ARPC2: variants seen among roughly 807,000 people sequenced by gnomAD.
ARPC2 encodes the protein actin related protein 2/3 complex subunit 2.
Under a neutral mutation model 38.6 loss-of-function variants are expected in ARPC2, and 4 were observed. The observed-to-expected ratio is 0.10, with a 90% CI of 0.05 to 0.24. The LOEUF (loss-of-function observed/expected upper bound fraction) is 0.24. ARPC2 is among the 10% of genes least tolerant of loss of function. ARPC2 has a pLI of 1.00. For missense variants in ARPC2, 229 were observed against 387.3 expected (o/e 0.59, Z 3.43); for synonymous variants, 125 against 140.8 (o/e 0.89, Z 0.79).
intron 2 of ARPC2, among the ~76,000 whole-genome samples, chr2:218,220,319 C>A (rs1198014245): frequency 1.3e-5 from 2 of 152,152 alleles, no homozygotes; most frequent in Non-Finnish European, 2.9e-5. Context: ...CATCTTCCAT[C>A]TCTGTGATGT....
chr2:218,229,014 A>G, intron 4 of ARPC2, 164 bp downstream of exon 4: 2 of 505,554 alleles, frequency 4.0e-6, no homozygotes, highest in Non-Finnish European at 3.5e-6. Flanking sequence ...GTTTCCTAGA[A>G]AAGGTTTTGA....
Position 218,233,615 on chromosome 2 carries a change from G to C in ARPC2, c.223-737G>C, listed in dbSNP as rs1330340129. 5 of 151,384 alleles carry C rather than the reference G, an allele frequency of 3.3e-5. No homozygotes were observed. The East Asian group carries it at 9.7e-4, about 29-fold the overall frequency. The allele number at this position is 151,384 out of a possible 1,614,324, so 9.4% of individuals were successfully genotyped here. On this transcript the variant is annotated intron_variant, in intron 4 of 10. Coordinates refer to ENST00000315717, the MANE Select transcript of ARPC2 (RefSeq NM_152862.3). ...TTGCCTTAAGAGCTGGCTATGCACT[G>C]AGTAATTTTAAAGCATACAAGATCA... is the stretch of plus-strand genomic sequence containing the variant.
At chr2:218,247,696 C>T (rs939597929) in intron 8 of ARPC2, among the ~76,000 whole-genome samples, 1 of 152,060 alleles carries the variant, frequency 6.6e-6, no homozygotes, top group African/African-American at 2.4e-5. Flanking sequence ...GTAATCCCAG[C>T]ACTTTGGGAG....
intron 5 of ARPC2, chr2:218,236,364 T>G (rs1161761583): frequency 6.6e-6 from 1 of 152,140 alleles, no homozygotes; most frequent in Non-Finnish European, 1.5e-5. Context: ...TATTTGGTTT[T>G]CAAGTACCCA....
intron 4 of ARPC2, chr2:218,234,101 G>A (rs1340336469): frequency 3.4e-5 from 10 of 289,882 alleles, no homozygotes; most frequent in African/African-American, 1.5e-4. Flanking sequence ...CCCAGGAGGC[G>A]GAGGTTGTGG....
At chr2:218,234,093 C>T in intron 4 of ARPC2, 2 of 273,138 alleles carry the variant, frequency 7.3e-6, no homozygotes, top group Non-Finnish European at 6.9e-6. Context: ...CACTTGAACC[C>T]AGGAGGCGGA....
At chr2:218,247,974 G>T (rs938759215) in intron 8 of ARPC2, among the ~76,000 whole-genome samples, 1 of 151,770 alleles carries the variant, frequency 6.6e-6, no homozygotes, top group Non-Finnish European at 1.5e-5. Context: ...AAAGAAACAG[G>T]GTTTCCATGT....
intron 8 of ARPC2, among the ~76,000 whole-genome samples, chr2:218,249,006 C>G (rs932905840): frequency 2.6e-5 from 4 of 152,232 alleles, no homozygotes; most frequent in African/African-American, 4.8e-5. Flanking sequence ...TAAACTGTTA[C>G]AGCCAGTTAG....
rs778604888 is a variant in ARPC2, at chr2:218,249,811, T to C, written c.778-10T>C. 2 of 1,610,638 alleles carry C rather than the reference T, an allele frequency of 1.2e-6. No individual in the cohort carries two copies. Among genetic ancestry groups the C allele is most frequent in the Non-Finnish European group, 1.7e-6 (2 of 1,177,600 alleles). ...GACTGTGCTTTAGTACCTGTTATGT[T>C]TGTTCCCAGGCCTATATTCACACAC... is the stretch of plus-strand genomic sequence containing the variant. On this transcript the variant is annotated splice_polypyrimidine_tract_variant and intron_variant, in intron 9 of 10. Transcript: ENST00000315717.
At chr2:218,219,569 C>G (rs1689338113) in intron 2 of ARPC2, among the ~76,000 whole-genome samples, 1 of 152,122 alleles carries the variant, frequency 6.6e-6, no homozygotes, top group African/African-American at 2.4e-5. Context: ...AGGCTGGTCT[C>G]AAACTCCTGG....
chr2:218,251,829 G>A (rs1690199515), intron 10 of ARPC2, among the ~76,000 whole-genome samples: 1 of 152,168 alleles, frequency 6.6e-6, no homozygotes, highest in South Asian at 2.1e-4. Context: ...TCTTGCATTT[G>A]AGGGCTCTTC....
intron 2 of ARPC2, among the ~76,000 whole-genome samples, chr2:218,222,147 A>G (rs1689396830): frequency 6.6e-6 from 1 of 152,142 alleles, no homozygotes; most frequent in Admixed American, 6.5e-5. Context: ...CACACCTGTA[A>G]TCCCAGCTAC....
intron 5 of ARPC2, among the ~76,000 whole-genome samples, chr2:218,237,155 C>T (rs550610679): frequency 2.0e-5 from 3 of 152,192 alleles, no homozygotes; most frequent in Middle Eastern, 3.4e-3. Flanking sequence ...TTAATGCTCA[C>T]AACATTCTCC....
chr2:218,218,024 C>T (rs1162860891), intron 2 of ARPC2, among the ~76,000 whole-genome samples: 1 of 152,192 alleles, frequency 6.6e-6, no homozygotes, highest in African/African-American at 2.4e-5. Flanking sequence ...TCGTTCCCCA[C>T]CCCCATCTCC....
intron 7 of ARPC2, among the ~76,000 whole-genome samples, chr2:218,243,681 C>A (rs1689966981): frequency 1.3e-5 from 2 of 152,168 alleles, no homozygotes; most frequent in Non-Finnish European, 2.9e-5. Context: ...GAGGCTGACA[C>A]ATGAAAATCA....
intron 9 of ARPC2, 67 bp from the exon 10 acceptor site, chr2:218,249,754 T>C: frequency 6.8e-7 from 1 of 1,464,060 alleles, no homozygotes; most frequent in Middle Eastern, 1.7e-4. Context: ...ACCTCTCTGA[T>C]GAAAGACAGC....
In ARPC2 at chr2:218,238,792, G is replaced by A. The variant is rs1028736942; in HGVS notation, c.397G>A (p.Glu133Lys). Residue 133 changes from glutamate (E) to lysine (K), a missense_variant, in exon 6 of 11, where the codon GAA becomes AAA. Coordinates refer to ENST00000315717, the MANE Select transcript of ARPC2 (RefSeq NM_152862.3). ...CTTTGAAAAATACTTCCAATTCCAA[G>A]AAGAGGGCAAGGAAGGAGAGAACAG... Reference protein sequence around the residue: ...SVFEKYFQFQEEGKEGENRAV... With the variant: ...SVFEKYFQFQKEGKEGENRAV... 1 of 1,613,914 alleles carries A rather than the reference G, an allele frequency of 6.2e-7. No individual in the cohort carries two copies. Among genetic ancestry groups the A allele is most frequent in the South Asian group, 1.1e-5 (1 of 91,070 alleles).
chr2:218,220,748 C>T lies in ARPC2; in HGVS notation c.74+3204C>T, dbSNP rs553764380. On this transcript the variant is annotated intron_variant, in intron 2 of 10. Coordinates refer to ENST00000315717, the MANE Select transcript of ARPC2 (RefSeq NM_152862.3). ...TGTTTAAGAATACATTTGATCATAA[C>T]CTTTTAATTTGGAGGCAGTTTGACA... 6.4e-4 allele frequency among the ~76,000 whole-genome samples: 82 copies of T among 128,998 alleles called. No homozygotes were observed. In the South Asian group the frequency reaches 6.9e-3, roughly 11 times the overall value. The allele number at this position is 128,998 out of a possible 152,430, so 84.6% of individuals were successfully genotyped here. A position where few individuals can be genotyped will look rare whatever the true frequency, so the allele number is the denominator to read the frequency against.
At chr2:218,218,419 G>A (rs1236185557) in intron 2 of ARPC2, among the ~76,000 whole-genome samples, 1 of 152,242 alleles carries the variant, frequency 6.6e-6, no homozygotes, top group Admixed American at 6.5e-5. Flanking sequence ...TTCCAAGGCA[G>A]CCTCTCTGCC....
Sources: gnomAD v4.1 joint callset for allele counts (sites outside exome capture counted in the v4.1 genomes callset) on GRCh38, gnomAD v4.1.1 for gene constraint, MANE v1.5 for transcripts, NCBI Gene and HGNC (gene_info 2026-07-23, HGNC 2026-07-21) for gene names.